PREX1: variants seen among roughly 807,000 people sequenced by gnomAD.
PREX1 encodes phosphatidylinositol 3,4,5-trisphosphate-dependent Rac exchanger 1 protein.
A neutral mutation model predicts 198.3 loss-of-function variants in PREX1; 41 were observed. The ratio of observed to expected loss-of-function variants is 0.21; its 90% CI spans 0.16 to 0.27. The LOEUF (loss-of-function observed/expected upper bound fraction) is 0.27. Among genes scored for constraint, PREX1 ranks in the 10% least tolerant of loss-of-function variants. The pLI is 1.00. For missense variants in PREX1, 1,620 were observed against 2,200.7 expected, an observed-to-expected ratio of 0.74 and a Z score of 5.28; for synonymous variants, 843 against 887.2, an observed-to-expected ratio of 0.95 and a Z score of 0.89.
intron 6 of PREX1, among the ~76,000 whole-genome samples, chr20:48,703,859 C>T (rs918405881): frequency 2.6e-5 from 4 of 152,244 alleles, no homozygotes; most frequent in East Asian, 3.8e-4. Context: ...CCCAGCCGCA[C>T]TCTTGATCTC....
chr20:48,698,554 G>A (rs904504447), intron 7 of PREX1, among the ~76,000 whole-genome samples: 1 of 152,144 alleles, frequency 6.6e-6, no homozygotes, highest in Admixed American at 6.5e-5. Context: ...GTTCATGAGG[G>A]GACAGCAGGA....
chr20:48,844,633 G>C, the PREX1 span, among the ~76,000 whole-genome samples: 1 of 152,126 alleles, frequency 6.6e-6, no homozygotes, highest in African/African-American at 2.4e-5. Flanking sequence ...ATGTTGTTGT[G>C]ACAGCACGAT....
chr20:48,809,049 C>T (rs943586895), intron 1 of PREX1, among the ~76,000 whole-genome samples: 8 of 152,190 alleles, frequency 5.3e-5, no homozygotes, highest in Admixed American at 1.3e-4. Flanking sequence ...AAACAGGCAA[C>T]GCAGGAACAC....
chr20:48,734,070 TG>T (rs1306999278), intron 4 of PREX1, among the ~76,000 whole-genome samples: 1 of 152,222 alleles, frequency 6.6e-6, no homozygotes, highest in African/African-American at 2.4e-5. Context: ...CAGTTTTAAT[TG>T]GATTTTCTTT....
At chr20:48,708,999 T>C (rs971012292) in intron 5 of PREX1, among the ~76,000 whole-genome samples, 3 of 152,134 alleles carry the variant, frequency 2.0e-5, no homozygotes, top group Non-Finnish European at 1.5e-5. Context: ...GAAGTGGCTC[T>C]TAATCCATGA....
chr20:48,642,532 C>T (rs779439091), intron 27 of PREX1, 43 bp from the exon 28 acceptor site: 12 of 1,505,352 alleles, frequency 8.0e-6, no homozygotes, highest in South Asian at 1.2e-5. Flanking sequence ...ATTCCTGCCC[C>T]ACCTCACACC....
the PREX1 span, among the ~76,000 whole-genome samples, chr20:48,845,663 C>T: frequency 6.1e-4 from 91 of 148,910 alleles, no homozygotes; most frequent in African/African-American, 2.2e-3. Context: ...GACTGTGCCA[C>T]TACACTCCAG....
chr20:48,804,958 C>T (rs2090405217), intron 1 of PREX1, among the ~76,000 whole-genome samples: 1 of 152,116 alleles, frequency 6.6e-6, no homozygotes, highest in Non-Finnish European at 1.5e-5. Context: ...GTCGGGTCAT[C>T]ATCTAGAGGT....
intron 29 of PREX1, among the ~76,000 whole-genome samples, chr20:48,641,469 G>GA (rs917037726): frequency 2.6e-5 from 4 of 151,816 alleles, no homozygotes; most frequent in East Asian, 1.9e-4. Flanking sequence ...TCAATAATAA[G>GA]AAAAAAATGA....
At chr20:48,739,825 A>G (rs1678103486) in intron 3 of PREX1, among the ~76,000 whole-genome samples, 1 of 152,192 alleles carries the variant, frequency 6.6e-6, no homozygotes, top group South Asian at 2.1e-4. Context: ...AGCTTGCCCT[A>G]TAACTTAATC....
At chr20:48,881,007 A>AC in the PREX1 span, among the ~76,000 whole-genome samples, 15 of 150,366 alleles carry the variant, frequency 1.0e-4, no homozygotes, top group Non-Finnish European at 4.5e-5. Flanking sequence ...AAAAAAAAAA[A>AC]AAGCTTCTTT....
intron 33 of PREX1, 95 bp from the exon 34 acceptor site, chr20:48,632,734 C>T (rs2089325346): frequency 3.5e-6 from 5 of 1,443,742 alleles, no homozygotes; most frequent in Non-Finnish European, 4.8e-6. Flanking sequence ...ACCTCCCTGC[C>T]CCCAGGTCCA....
intron 39 of PREX1, among the ~76,000 whole-genome samples, chr20:48,626,149 A>G (rs2089270362): frequency 6.6e-6 from 1 of 152,166 alleles, no homozygotes. Flanking sequence ...GCATTTACAA[A>G]TGAAGACGTG....
chr20:48,802,090 C>G (rs537144563), intron 1 of PREX1, among the ~76,000 whole-genome samples: 1 of 152,290 alleles, frequency 6.6e-6, no homozygotes, highest in South Asian at 2.1e-4. Context: ...TTCAGGCGTT[C>G]TGTTATAAGC....
intron 1 of PREX1, among the ~76,000 whole-genome samples, chr20:48,768,523 A>G (rs2090219419): frequency 6.6e-6 from 1 of 152,162 alleles, no homozygotes; most frequent in African/African-American, 2.4e-5. Context: ...GGCCGGGCCC[A>G]GTGGCTCACG....
rs1568794097 is a variant in PREX1, at chr20:48,637,730, C to T, written c.3927G>A (p.Leu1309=). ...CCTCACCTGTGCACTTCAGCAAGGCCAGGAGCAGCTGGTTCTTCCCATCTG... is the reference window on the plus strand; with the variant it reads ...CCTCACCTGTGCACTTCAGCAAGGCTAGGAGCAGCTGGTTCTTCCCATCTG... ...YVEDGKNQLL[L]ALLKCTDTEL... is the part of the protein sequence containing the mutation. Residue 1309 remains leucine (L), a synonymous_variant, in exon 31 of 40, where the codon CTG becomes CTA. Transcript: ENST00000371941. 6.2e-7 allele frequency: 1 copy of T among 1,612,274 alleles called. No individual in the cohort carries two copies. The highest frequency in any genetic ancestry group is 8.5e-7 in the Non-Finnish European group (1 of 1,179,422).
chr20:48,627,689 G>T, intron 38 of PREX1, 74 bp from the exon 39 acceptor site: 3 of 1,498,026 alleles, frequency 2.0e-6, no homozygotes, highest in African/African-American at 1.4e-5. Context: ...GGGGGTGGGG[G>T]TGGGGCCCAG....
At chr20:48,637,642 A>G in intron 31 of PREX1, 69 bp downstream of exon 31, 1 of 1,432,786 alleles carries the variant, frequency 7.0e-7, no homozygotes, top group African/African-American at 1.4e-5. Flanking sequence ...CCCCGAGGGC[A>G]TGGATGGTCG....
chr20:48,744,952 T>G, intron 3 of PREX1, 73 bp downstream of exon 3: 1 of 1,561,614 alleles, frequency 6.4e-7, no homozygotes, highest in Admixed American at 1.8e-5. Context: ...TGAAGGCGGA[T>G]GGGGCAGGGA....
Sources: gnomAD v4.1 joint callset for allele counts (sites outside exome capture counted in the v4.1 genomes callset) on GRCh38, gnomAD v4.1.1 for gene constraint, MANE v1.5 for transcripts, NCBI Gene and HGNC (gene_info 2026-07-23, HGNC 2026-07-21) for gene names.